ADCK5: variants seen among roughly 807,000 people sequenced by gnomAD.
The protein encoded by ADCK5 is uncharacterized aarF domain-containing protein kinase 5.
ADCK5 carries 43 observed loss-of-function variants against 64.9 expected under a neutral mutation model. The ratio of observed to expected loss-of-function variants is 0.66; its 90% confidence interval spans 0.52 to 0.85. ADCK5 has a LOEUF of 0.85. Ranked by LOEUF, ADCK5 falls within the 40% of genes least tolerant of loss-of-function variation. The probability of loss-of-function intolerance (pLI) is 0.00; values close to 1 mark genes in which losing one functional copy is unlikely to be tolerated. For synonymous variants in ADCK5, 434 were observed against 342.8 expected, an observed-to-expected ratio of 1.27 and a Z score of -2.94; for missense variants, 760 against 810.5, an observed-to-expected ratio of 0.94 and a Z score of 0.76.
chr8:144,392,727 T>C, intron 13 of ADCK5, 30 bp downstream of exon 13: 1 of 1,588,154 alleles, frequency 6.3e-7, no homozygotes. Flanking sequence ...GCCCGGGCCG[T>C]GGTGGGGCTG....
At chr8:144,387,290 C>T (rs1290112735) in intron 3 of ADCK5, among the ~76,000 whole-genome samples, 1 of 152,190 alleles carries the variant, frequency 6.6e-6, no homozygotes, top group Non-Finnish European at 1.5e-5. Flanking sequence ...TTCTGTCCTG[C>T]CGGGGGCACA....
At chr8:144,382,965 G>A (rs1448878466) in intron 2 of ADCK5, 116 bp from the exon 3 acceptor site, 24 of 1,414,826 alleles carry the variant, frequency 1.7e-5, no homozygotes, top group East Asian at 1.5e-4. Context: ...CTGACCACAC[G>A]TCAGAATGGC....
rs1554861333 is a variant in ADCK5, at chr8:144,392,532, C to T, written c.1355C>T (p.Ala452Val). ...TCGCACCTACTGAGCCGCGAAGAGGCGGCCTACATGGTGGACATGGCCCGC... is the reference window on the plus strand; with the variant it reads ...TCGCACCTACTGAGCCGCGAAGAGGTGGCCTACATGGTGGACATGGCCCGC... Reference protein sequence around the residue: ...WGSHLLSREEAAYMVDMARER... With the variant: ...WGSHLLSREEVAYMVDMARER... The change falls in exon 13 of 15, where the codon GCG (alanine) becomes GTG (valine). Residue 452 changes from alanine to valine, a missense_variant. By Grantham distance (64) the Ala-to-Val change is moderately conservative. Around this residue, in one of 2 missense-constraint regions of ADCK5, gnomAD observed 333 missense variants for 292.0 expected, o/e 1.14. Transcript: ENST00000308860. The T allele has an allele frequency of 3.9e-6, 6 of 1,556,876 alleles. No individual in the cohort carries two copies. The highest frequency in any genetic ancestry group is 1.4e-5 in the African/African-American group (1 of 73,786).
In ADCK5 at chr8:144,374,051, C is replaced by A. The variant is rs552201418; in HGVS notation, c.-45C>A. On this transcript the variant is annotated 5_prime_UTR_variant, in exon 1 of 15. Coordinates refer to ENST00000308860, the MANE Select transcript of ADCK5 (RefSeq NM_174922.5). ...CCGCAGGGCCTGCTGGGCTGCGAGA[C>A]GCTAAGCGGCGCCGGGCGGGAGAAG... is the stretch of plus-strand genomic sequence containing the variant. 7 of 1,244,648 alleles carry A rather than the reference C, an allele frequency of 5.6e-6. No individual in the cohort carries two copies. The Admixed American group carries it at 1.3e-4, about 22-fold the overall frequency. 77.1% of individuals were successfully genotyped at this position (1,244,648 alleles called of 1,614,324 possible). A position where few individuals can be genotyped will look rare whatever the true frequency, so the allele number is the denominator to read the frequency against.
intron 2 of ADCK5, among the ~76,000 whole-genome samples, chr8:144,380,750 A>T (rs62530403): frequency 6.9e-6 from 1 of 145,750 alleles, no homozygotes; most frequent in African/African-American, 2.6e-5. Flanking sequence ...GTGCTCAGGC[A>T]CCTGCCCCAC....
At chr8:144,388,757 C>T (rs369806979) in intron 3 of ADCK5, among the ~76,000 whole-genome samples, 3 of 150,094 alleles carry the variant, frequency 2.0e-5, no homozygotes, top group Admixed American at 2.0e-4. Context: ...AGCGAGACTC[C>T]GTCTCCAAAA....
chr8:144,374,769 C>G lies in ADCK5; in HGVS notation c.12+662C>G, dbSNP rs1586570652. ...CAGGCCGGGCTCTGCTCTGAGCGCCCCTGCGTCGTCTCAGGGGCGCGCCCC... is the reference window on the plus strand; with the variant it reads ...CAGGCCGGGCTCTGCTCTGAGCGCCGCTGCGTCGTCTCAGGGGCGCGCCCC... On this transcript the variant is annotated intron_variant, in intron 1 of 14. Coordinates refer to ENST00000308860, the MANE Select transcript of ADCK5 (RefSeq NM_174922.5). 2.0e-5 allele frequency among the ~76,000 whole-genome samples: 3 copies of G among 152,282 alleles called. No homozygotes were observed. In the South Asian group the frequency reaches 6.2e-4, roughly 32 times the overall value.
At position 144,379,344 on chromosome 8, in the gene ADCK5, GTCCTGGCCTCGTTCGACCCCACACAATT is replaced by G. The variant is rs1819501030; in HGVS notation, c.13-38_13-11del. On this transcript the variant is annotated splice_polypyrimidine_tract_variant and intron_variant, in intron 1 of 14. Coordinates refer to ENST00000308860, the MANE Select transcript of ADCK5 (RefSeq NM_174922.5). ...TGGTACTGGTTGAGGGCAGGGGCGT[GTCCTGGCCTCGTTCGACCCCACACAATT>G]TCCTCTCTTTGCAGGTGCAGCTCTG... The G allele has an allele frequency of 6.7e-7, 1 of 1,481,862 alleles. No homozygotes were observed. 91.8% of individuals were successfully genotyped at this position (1,481,862 alleles called of 1,614,324 possible). A position where few individuals can be genotyped will look rare whatever the true frequency, so the allele number is the denominator to read the frequency against.
At chr8:144,382,497 A>T (rs1001758144) in intron 2 of ADCK5, among the ~76,000 whole-genome samples, 6 of 152,156 alleles carry the variant, frequency 3.9e-5, no homozygotes, top group Admixed American at 2.6e-4. Flanking sequence ...TTCAGGGAGT[A>T]TTGGGCTCCT....
Position 144,391,687 on chromosome 8 carries a change from C to T in ADCK5, c.906C>T (p.Arg302=), listed in dbSNP as rs200670250. ...LAHFPYVVVP[R]VHWDKSSKRV... ...ACTTCCCCTACGTCGTGGTGCCCCG[C>T]GTGCACTGGGACAAGTCCAGCAAGG... Residue 302 remains arginine (R), a synonymous_variant, in exon 8 of 15, where the codon CGC becomes CGT. Coordinates refer to ENST00000308860, the MANE Select transcript of ADCK5 (RefSeq NM_174922.5). The T allele has an allele frequency of 1.1e-3, 1,690 of 1,540,874 alleles. 3 individuals carry two copies. The highest frequency in any genetic ancestry group is 1.4e-3 in the Non-Finnish European group (1,604 of 1,147,426).
Position 144,392,659 on chromosome 8 carries a change from C to T in ADCK5, c.1482C>T (p.Leu494=), listed in dbSNP as rs547340036. ...INTVRAINVA[L]GAPVDRYFLM... is the part of the protein sequence containing the mutation. ...CCGTGCGCGCTATCAACGTGGCCCT[C>T]GGCGCCCCCGTGGACCGCTACTTCC... Residue 494 remains leucine (L), a synonymous_variant, in exon 13 of 15, where the codon CTC becomes CTT. Coordinates refer to ENST00000308860, the MANE Select transcript of ADCK5 (RefSeq NM_174922.5). 86 of 1,594,090 alleles carry T rather than the reference C, an allele frequency of 5.4e-5. No individual in the cohort carries two copies. Among genetic ancestry groups the T allele is most frequent in the East Asian group, 2.0e-4 (9 of 44,344 alleles).
At chr8:144,390,583 G>C in intron 3 of ADCK5, 88 bp from the exon 4 acceptor site, 1 of 1,377,616 alleles carries the variant, frequency 7.3e-7, no homozygotes, top group Non-Finnish European at 1.0e-6. Flanking sequence ...GCCGGGGTGA[G>C]GCTAGACCAT....
At chr8:144,374,023 C>T, upstream of ADCK5, 3 of 1,239,680 alleles carry the variant, frequency 2.4e-6, no homozygotes, top group Non-Finnish European at 1.0e-6. Flanking sequence ...ACTACGCGCC[C>T]TCCCGCAGGG....
At chr8:144,391,543 A>G (rs1264168007) in intron 7 of ADCK5, 37 bp from the exon 8 acceptor site, 1 of 1,585,322 alleles carries the variant, frequency 6.3e-7, no homozygotes, top group Non-Finnish European at 8.5e-7. Context: ...AGCAGCTGGT[A>G]GGCAGAGCTG....
At chr8:144,388,005 T>A (rs1819997979) in intron 3 of ADCK5, among the ~76,000 whole-genome samples, 2 of 152,020 alleles carry the variant, frequency 1.3e-5, no homozygotes, top group Admixed American at 6.6e-5. Flanking sequence ...GTGCTGGGAT[T>A]ATAGGTGTGA....
At chr8:144,387,073 C>T (rs927195424) in intron 3 of ADCK5, among the ~76,000 whole-genome samples, 2 of 152,252 alleles carry the variant, frequency 1.3e-5, no homozygotes, top group African/African-American at 4.8e-5. Context: ...TATTGGAACA[C>T]AGCCATGCCC....
chr8:144,382,484 G>A (rs1554858478), intron 2 of ADCK5, among the ~76,000 whole-genome samples: 1 of 152,252 alleles, frequency 6.6e-6, no homozygotes, highest in African/African-American at 2.4e-5. Flanking sequence ...GACTCCTGCT[G>A]TATTCAGGGA....
intron 3 of ADCK5, 59 bp downstream of exon 3, chr8:144,383,289 C>T: frequency 6.8e-7 from 1 of 1,478,574 alleles, no homozygotes; most frequent in South Asian, 1.4e-5. Context: ...GTGTGCGGTG[C>T]AGGATTGCCT....
At chr8:144,378,987 G>A (rs1819487280) in intron 1 of ADCK5, among the ~76,000 whole-genome samples, 1 of 150,838 alleles carries the variant, frequency 6.6e-6, no homozygotes, top group South Asian at 2.1e-4. Flanking sequence ...AGGCTGGAGT[G>A]TAGTGGCGCG....
Sources: allele counts gnomAD v4.1 joint callset (sites outside exome capture counted in the v4.1 genomes callset), GRCh38; gene constraint gnomAD v4.1.1; regional missense constraint gnomAD v4.1.1; transcripts MANE v1.5; gene names NCBI Gene and HGNC (gene_info 2026-07-23, HGNC 2026-07-21).